Variants in TAF1A observed in about 807,000 individuals in gnomAD.
TAF1A encodes the protein TATA box-binding protein-associated factor RNA polymerase I subunit A.
A neutral mutation model predicts 61.6 loss-of-function variants in TAF1A; 42 were observed. The ratio of observed to expected loss-of-function variants is 0.68; its 90% CI spans 0.53 to 0.88. The LOEUF is 0.88. Ranked by LOEUF, TAF1A falls within the 40% of genes least tolerant of loss-of-function variation. TAF1A has a pLI of 0.00. For missense variants in TAF1A, 424 were observed against 518.7 expected (o/e 0.82, Z 1.77); for synonymous variants, 179 against 177.7 (o/e 1.01, Z -0.06).
At chr1:222,562,850 C>A (rs374933802) in intron 9 of TAF1A, among the ~76,000 whole-genome samples, 1 of 152,198 alleles carries the variant, frequency 6.6e-6, no homozygotes, top group Non-Finnish European at 1.5e-5. Context: ...TAATGACGCA[C>A]AAATCACAAA....
intron 2 of TAF1A, among the ~76,000 whole-genome samples, chr1:222,586,135 C>G (rs1661005646): frequency 6.6e-6 from 1 of 152,082 alleles, no homozygotes; most frequent in Non-Finnish European, 1.5e-5. Context: ...CAATGTGGTC[C>G]TGGCATGCAG....
chr1:222,586,502 T>TA (rs1194042123), intron 2 of TAF1A, among the ~76,000 whole-genome samples: 1 of 152,184 alleles, frequency 6.6e-6, no homozygotes, highest in Non-Finnish European at 1.5e-5. Context: ...GAGCAAAAGA[T>TA]AGTCTTACTT....
intron 5 of TAF1A, among the ~76,000 whole-genome samples, 162 bp from the exon 6 acceptor site, chr1:222,570,827 T>C (rs908306343): frequency 1.3e-5 from 2 of 152,126 alleles, no homozygotes; most frequent in Non-Finnish European, 2.9e-5. Flanking sequence ...TCACAAATTC[T>C]CCCAAAAAAA....
intron 9 of TAF1A, 94 bp from the exon 10 acceptor site, chr1:222,561,612 C>G (rs895616077): frequency 8.0e-7 from 1 of 1,248,880 alleles, no homozygotes; most frequent in Admixed American, 2.8e-5. Flanking sequence ...AGAAAGATGA[C>G]AAGGAAGATG....
chr1:222,561,362 A>G lies in TAF1A; in HGVS notation c.1240+2T>C. The stretch of plus-strand genomic sequence containing the variant: ...TAGATAAAACGAAAATAAAAACTGT[A>G]CCTTTTCCTAACAGTAAACCAGCCA... On this transcript the variant is annotated splice_donor_variant, in intron 10 of 10. Transcript: ENST00000352967. LOFTEE classifies it high-confidence loss of function. 6.3e-7 allele frequency: 1 copy of G among 1,596,784 alleles called. No homozygotes were observed. Among genetic ancestry groups the G allele is most frequent in the African/African-American group, 1.4e-5 (1 of 73,754 alleles).
intron 3 of TAF1A, among the ~76,000 whole-genome samples, chr1:222,580,165 G>GTT (rs1447016299): frequency 6.6e-6 from 1 of 152,084 alleles, no homozygotes; most frequent in Non-Finnish European, 1.5e-5. Context: ...AATATAAAAT[G>GTT]TTTAATTGGT....
intron 5 of TAF1A, among the ~76,000 whole-genome samples, chr1:222,575,556 T>C (rs542039956): frequency 9.2e-5 from 14 of 152,174 alleles, no homozygotes; most frequent in African/African-American, 3.4e-4. Flanking sequence ...TGAGTATAAA[T>C]TGGGTTTGAA....
chr1:222,557,704 G>T (rs1397120136), downstream of TAF1A, among the ~76,000 whole-genome samples: 2 of 151,638 alleles, frequency 1.3e-5, no homozygotes, highest in Admixed American at 1.3e-4. Context: ...ATCTTAGACT[G>T]CTGTGCCAGG....
At chr1:222,573,838 A>G (rs1270569294) in intron 5 of TAF1A, among the ~76,000 whole-genome samples, 2 of 152,240 alleles carry the variant, frequency 1.3e-5, no homozygotes, top group Non-Finnish European at 2.9e-5. Context: ...GCAAAAGTAG[A>G]AACAATCTAA....
chr1:222,587,349 T>C (rs1410596086), intron 2 of TAF1A, among the ~76,000 whole-genome samples: 1 of 152,252 alleles, frequency 6.6e-6, no homozygotes, highest in Non-Finnish European at 1.5e-5. Flanking sequence ...AAGAGTTTAA[T>C]GTCTTTGAGA....
rs1659854846 is a variant in TAF1A at position 222,560,109 on chromosome 1, G to A, written c.1240+1255C>T. The stretch of plus-strand genomic sequence containing the variant: ...GAAATGGGCCTGGCTTGCTTTTAGT[G>A]CAGCATGGAAAGAAAGAGAGCCACC... On this transcript the variant is annotated intron_variant, in intron 10 of 10. Transcript: ENST00000352967. Among the ~76,000 whole-genome samples, 2 of 152,042 alleles carry A rather than the reference G, an allele frequency of 1.3e-5. 1 individual carries two copies. Among genetic ancestry groups the A allele is most frequent in the South Asian group, 4.2e-4 (2 of 4,818 alleles).
At chr1:222,572,476 G>A (rs1660398133) in intron 5 of TAF1A, among the ~76,000 whole-genome samples, 1 of 152,080 alleles carries the variant, frequency 6.6e-6, no homozygotes, top group African/African-American at 2.4e-5. Context: ...TCTCACCTCA[G>A]CCACTCAAGT....
chr1:222,561,194 A>G (rs1659899470), intron 10 of TAF1A, among the ~76,000 whole-genome samples, 170 bp downstream of exon 10: 1 of 152,176 alleles, frequency 6.6e-6, no homozygotes, highest in Non-Finnish European at 1.5e-5. Flanking sequence ...ACTGCTTCTA[A>G]TCTAAGCACA....
chr1:222,577,382 CTCCTTAAGA>C (rs1660612279), intron 5 of TAF1A, 54 bp downstream of exon 5: 2 of 1,342,258 alleles, frequency 1.5e-6, no homozygotes, highest in African/African-American at 1.5e-5. Context: ...TACTAGATTA[CTCCTTAAGA>C]TCCCTCTGCC....
chr1:222,565,464 A>G (rs1483481229), intron 7 of TAF1A, among the ~76,000 whole-genome samples: 1 of 152,244 alleles, frequency 6.6e-6, no homozygotes, highest in Non-Finnish European at 1.5e-5. Context: ...CTTGAATATA[A>G]ATATGAGATA....
intron 6 of TAF1A, among the ~76,000 whole-genome samples, chr1:222,570,081 T>G (rs1039839941): frequency 5.3e-5 from 8 of 152,188 alleles, no homozygotes; most frequent in African/African-American, 1.9e-4. Context: ...ACAAAGCAAA[T>G]TATTTTGAAG....
intron 7 of TAF1A, among the ~76,000 whole-genome samples, chr1:222,568,021 C>T (rs372075432): frequency 3.9e-5 from 6 of 152,072 alleles, no homozygotes; most frequent in South Asian, 4.1e-4. Flanking sequence ...TGGTTTTCAA[C>T]AAAGTTCCAA....
chr1:222,577,137 C>G (rs1166659453), intron 5 of TAF1A, among the ~76,000 whole-genome samples: 1 of 151,178 alleles, frequency 6.6e-6, no homozygotes, highest in Non-Finnish European at 1.5e-5. Context: ...AGCTCTTCCT[C>G]CTGTCAGTAG....
Position 222,588,533 on chromosome 1 carries a change from G to C in TAF1A, c.31C>G (p.Pro11Ala), listed in dbSNP as rs748594834. 50 of 1,613,888 alleles carry C rather than the reference G, an allele frequency of 3.1e-5. No homozygotes were observed. The highest frequency in any genetic ancestry group is 4.1e-5 in the Non-Finnish European group (48 of 1,179,936). Residue 11 changes from proline (P) to alanine (A), a missense_variant, in exon 2 of 11, where the codon CCT becomes GCT. Coordinates refer to ENST00000352967, the MANE Select transcript of TAF1A (RefSeq NM_005681.4). MSDFSEELKG[P>A]VTDDEEVETS... ...TCCACTTCTTCATCATCTGTCACAG[G>C]CCCTTTTAATTCTTCACTGAAATCA...
Sources: gnomAD v4.1 joint callset for allele counts (sites outside exome capture counted in the v4.1 genomes callset) on GRCh38, gnomAD v4.1.1 for gene constraint, MANE v1.5 for transcripts, NCBI Gene and HGNC (gene_info 2026-07-23, HGNC 2026-07-21) for gene names.